The following GALNS variants were observed in gnomAD, a reference collection of about 807,000 sequenced individuals.
The protein encoded by GALNS is galactosamine (N-acetyl)-6-sulfatase.
A neutral mutation model predicts 65.9 loss-of-function variants in GALNS; 65 were observed. The observed-to-expected ratio is 0.99, with a 90% CI of 0.81 to 1.21. The LOEUF is 1.21. Ranked by LOEUF, GALNS falls within the 50% of genes most tolerant of loss-of-function variation. GALNS has a pLI of 0.00. For missense variants in GALNS, 776 were observed against 700.7 expected (o/e 1.11, Z -1.21); for synonymous variants, 346 against 288.9 (o/e 1.20, Z -2.00).
At chr16:88,842,493 C>T (rs914398851) in intron 2 of GALNS, 28 of 625,702 alleles carry the variant, frequency 4.5e-5, no homozygotes, top group South Asian at 2.4e-4. Context: ...ACCGCAACTT[C>T]GACCCTGAAA....
At chr16:88,826,936 G>A in intron 9 of GALNS, 98 bp from the exon 10 acceptor site, 4 of 1,434,608 alleles carry the variant, frequency 2.8e-6, no homozygotes, top group Non-Finnish European at 3.8e-6. Context: ...CTGCCCAGCT[G>A]GGTCTACAGA....
chr16:88,839,973 G>A (rs778372240), intron 4 of GALNS, among the ~76,000 whole-genome samples: 15 of 152,230 alleles, frequency 9.9e-5, no homozygotes, highest in Non-Finnish European at 2.1e-4. Flanking sequence ...CAGTACTCAC[G>A]CGCTCCAGTG....
chr16:88,822,819 T>A, intron 11 of GALNS, 109 bp from the exon 12 acceptor site: 2 of 1,486,454 alleles, frequency 1.3e-6, no homozygotes, highest in Non-Finnish European at 1.8e-6. Context: ...AGGGGCCTTG[T>A]CTGCCTGTGT....
At chr16:88,821,198 G>T (rs1223428969) in intron 12 of GALNS, among the ~76,000 whole-genome samples, 2 of 152,148 alleles carry the variant, frequency 1.3e-5, no homozygotes, top group African/African-American at 4.8e-5. Flanking sequence ...TGAAACCAAG[G>T]GTCTCAGGGC....
At position 88,829,307 on chromosome 16, in the gene GALNS, AG is replaced by A; in HGVS notation, c.1003-2470del. Among the ~76,000 whole-genome samples the A allele has an allele frequency of 1.3e-5, 2 of 152,252 alleles. 1 individual carries two copies. The highest frequency in any genetic ancestry group is 4.1e-4 in the South Asian group (2 of 4,830). Reference sequence around the variant, plus strand: ...AGGGGGATGGCGCTCAGGGGAGTGGAGGGGGCGGCACAGCTGCATTCTGTCC... The same window carrying A: ...AGGGGGATGGCGCTCAGGGGAGTGGAGGGGCGGCACAGCTGCATTCTGTCC... On this transcript the variant is annotated intron_variant, in intron 9 of 13. Coordinates refer to ENST00000268695, the MANE Select transcript of GALNS (RefSeq NM_000512.5).
intron 1 of GALNS, chr16:88,856,533 G>A (rs1194161676): frequency 1.4e-6 from 1 of 696,484 alleles, no homozygotes; most frequent in Non-Finnish European, 2.6e-6. Flanking sequence ...CCCACGCCTG[G>A]ACCCCGCGGC....
At chr16:88,853,275 A>G (rs1376567028) in intron 1 of GALNS, among the ~76,000 whole-genome samples, 2 of 145,296 alleles carry the variant, frequency 1.4e-5, no homozygotes, top group Non-Finnish European at 3.0e-5. Context: ...AAAAAAAAAA[A>G]GGCCTAAAAG....
intron 3 of GALNS, 70 bp from the exon 4 acceptor site, chr16:88,841,164 A>T: frequency 3.3e-6 from 4 of 1,197,490 alleles, no homozygotes; most frequent in African/African-American, 1.5e-5. Context: ...TCCTAACAGG[A>T]CACTGGGGGC....
intron 1 of GALNS, chr16:88,845,738 CG>C (rs1713989112): frequency 6.9e-6 from 1 of 143,922 alleles, no homozygotes; most frequent in South Asian, 2.2e-4. Context: ...AGCAAGACTC[CG>C]TCTCAAAAAA....
intron 12 of GALNS, among the ~76,000 whole-genome samples, chr16:88,821,025 TCCAGGCCCC>T (rs773542707): frequency 6.6e-6 from 1 of 152,106 alleles, no homozygotes; most frequent in Non-Finnish European, 1.5e-5. Flanking sequence ...GGCCCCAAGC[TCCAGGCCCC>T]CCATGGTTTC....
rs1210651265 is a variant in GALNS, at chr16:88,841,011, T to C, written c.403A>G (p.Ser135Gly). 3 of 1,613,184 alleles carry C rather than the reference T, an allele frequency of 1.9e-6. No individual in the cohort carries two copies. Among genetic ancestry groups the C allele is most frequent in the Non-Finnish European group, 2.5e-6 (3 of 1,179,906 alleles). The stretch of plus-strand genomic sequence containing the variant: ...ACTTACCACTTGCCGACAATCTTGC[T>C]GACGTAGCCGGCCTTCTTCAGAAGC... Reference protein sequence around the residue: ...PELLKKAGYVSKIVGKWHLGH... With the variant: ...PELLKKAGYVGKIVGKWHLGH... The change falls in exon 4 of 14, where the codon AGC (serine) becomes GGC (glycine). Residue 135 changes from serine (S) to glycine (G), a missense_variant. Ser to Gly is a moderately conservative substitution (Grantham distance 56). Coordinates refer to ENST00000268695, the MANE Select transcript of GALNS (RefSeq NM_000512.5).
rs3743543 is a variant in GALNS, at chr16:88,837,854, T to C, written c.423-89A>G. 54,571 of 1,439,726 alleles carry C rather than the reference T, an allele frequency of 0.038. 1,275 individuals carry two copies. The highest frequency in any genetic ancestry group is 0.08 in the South Asian group (6,980 of 87,032). The allele number at this position is 1,439,726 out of a possible 1,614,324, so 89.2% of individuals were successfully genotyped here. A position where few individuals can be genotyped will look rare whatever the true frequency, so the allele number is the denominator to read the frequency against. On this transcript the variant is annotated intron_variant, in intron 4 of 13. Transcript: ENST00000268695. ...GCAACAGATACCACCTTCACAAAATTCTTGGTAAGACGAGCACCCTCCAGC... is the reference window on the plus strand; with the variant it reads ...GCAACAGATACCACCTTCACAAAATCCTTGGTAAGACGAGCACCCTCCAGC...
At chr16:88,819,366 C>G (rs114568681) in intron 12 of GALNS, among the ~76,000 whole-genome samples, 4 of 152,172 alleles carry the variant, frequency 2.6e-5, no homozygotes. Context: ...TCACACAGCG[C>G]CCCTGAGCAC....
At chr16:88,823,480 G>A (rs536177313) in intron 11 of GALNS, among the ~76,000 whole-genome samples, 249 of 151,612 alleles carry the variant, frequency 1.6e-3, no homozygotes, top group African/African-American at 5.6e-3. Context: ...GACGGCCCTC[G>A]CAGGCGGCAA....
chr16:88,849,831 A>G (rs1165687714), intron 1 of GALNS, among the ~76,000 whole-genome samples: 1 of 152,246 alleles, frequency 6.6e-6, no homozygotes, highest in Non-Finnish European at 1.5e-5. Flanking sequence ...GATGAGGAAG[A>G]AAGGGAGGTG....
At chr16:88,814,703 C>T (rs972504851) in intron 13 of GALNS, 178 bp from the exon 14 acceptor site, 4 of 477,892 alleles carry the variant, frequency 8.4e-6, no homozygotes, top group Non-Finnish European at 8.2e-6. Context: ...AAGAGATTCT[C>T]CTGCCTCAGC....
In GALNS at chr16:88,842,706, A is replaced by G. The variant is rs1338871013; in HGVS notation, c.244T>C (p.Ser82Pro). 1 of 1,612,512 alleles carries G rather than the reference A, an allele frequency of 6.2e-7. No individual in the cohort carries two copies. Among genetic ancestry groups the G allele is most frequent in the African/African-American group, 1.3e-5 (1 of 74,910 alleles). ...GGGGGCGAGGGCCCCGCTGACTTAC[A>G]TGGCGAGCACAGAGGGTTGGCAGAA... ...FYSANPLCSP[S>P]RAALLTGRLP... Residue 82 changes from serine to proline, a missense_variant and splice_region_variant, in exon 2 of 14, where the codon TCG (serine) becomes CCG (proline). Transcript: ENST00000268695.
At chr16:88,854,333 A>G (rs1967659792) in intron 1 of GALNS, among the ~76,000 whole-genome samples, 1 of 152,178 alleles carries the variant, frequency 6.6e-6, no homozygotes, top group South Asian at 2.1e-4. Flanking sequence ...CCAAGGAGAG[A>G]AGACAGCCTG....
chr16:88,832,043 C>T lies in GALNS; in HGVS notation c.957G>A (p.Arg319=). 1 of 1,613,904 alleles carries T rather than the reference C, an allele frequency of 6.2e-7. No individual in the cohort carries two copies. The highest frequency in any genetic ancestry group is 1.1e-5 in the South Asian group (1 of 91,078). ...CTGGCCACCATGCGAGGGCAGGCTC[C>T]CTCATCCCTCCTTCAAACGTGGTCT... ...GKQTTFEGGM[R]EPALAWWPGH... is the part of the protein sequence containing the mutation. The change falls in exon 9 of 14, where the codon AGG becomes AGA. Residue 319 remains arginine, a synonymous_variant. Transcript: ENST00000268695.
Sources: allele counts gnomAD v4.1 joint callset (sites outside exome capture counted in the v4.1 genomes callset), GRCh38; gene constraint gnomAD v4.1.1; transcripts MANE v1.5; gene names NCBI Gene and HGNC (gene_info 2026-07-23, HGNC 2026-07-21).